Variants in ZNF263 observed in about 807,000 individuals in gnomAD.
ZNF263 encodes the protein zinc finger protein 263.
A neutral mutation model predicts 63.1 loss-of-function variants in ZNF263; 49 were observed. The ratio of observed to expected loss-of-function variants is 0.78; its 90% CI spans 0.62 to 0.99. ZNF263 has a LOEUF of 0.99. Ranked by LOEUF, ZNF263 falls within the 50% of genes least tolerant of loss-of-function variation. The pLI is 0.00. For missense variants in ZNF263, 872 were observed against 854.8 expected, an observed-to-expected ratio of 1.02 and a Z score of -0.25; for synonymous variants, 352 against 324.2, an observed-to-expected ratio of 1.09 and a Z score of -0.92.
downstream of ZNF263, chr16:3,292,975 T>C (rs1238589261): frequency 6.6e-6 from 1 of 152,256 alleles, no homozygotes; most frequent in African/African-American, 2.4e-5. Flanking sequence ...CTGAGGTCAC[T>C]GAAGACCACA....
At chr16:3,295,252 C>T (rs1320097125), downstream of ZNF263, among the ~76,000 whole-genome samples, 1 of 152,182 alleles carries the variant, frequency 6.6e-6, no homozygotes, top group Admixed American at 6.5e-5. Flanking sequence ...GCTCTGCCCC[C>T]AGAAGCGAAG....
rs1436198923 is a variant in ZNF263 at position 3,289,886 on chromosome 16, G to A, written c.1380G>A (p.Lys460=). The change falls in exon 6 of 6, where the codon AAG becomes AAA. Residue 460 remains lysine (K), a synonymous_variant. Transcript: ENST00000219069. ...TRHQRTHTGE[K]PYQCNICGKC... ...ACCAACGCACCCACACGGGTGAGAAGCCCTATCAGTGCAACATTTGCGGAA... is the reference window on the plus strand; with the variant it reads ...ACCAACGCACCCACACGGGTGAGAAACCCTATCAGTGCAACATTTGCGGAA... 5 of 1,614,186 alleles carry A rather than the reference G, an allele frequency of 3.1e-6. No homozygotes were observed. The South Asian group carries it at 4.4e-5, about 14-fold the overall frequency.
chr16:3,288,798 A>G (rs536077527), intron 5 of ZNF263, among the ~76,000 whole-genome samples: 26 of 152,242 alleles, frequency 1.7e-4, no homozygotes, highest in African/African-American at 6.3e-4. Flanking sequence ...GGCATGCGCC[A>G]CCACGCCCAG....
exon 3 of ZNF263, chr16:3,300,926 A>C: frequency 3.9e-6 from 1 of 254,936 alleles, no homozygotes; most frequent in Non-Finnish European, 8.0e-6. Flanking sequence ...CAACAGCCTC[A>C]GTCAGGAATG....
intron 1 of ZNF263, among the ~76,000 whole-genome samples, chr16:3,297,073 G>C (rs1397758253): frequency 6.6e-6 from 1 of 152,114 alleles, no homozygotes; most frequent in Non-Finnish European, 1.5e-5. Flanking sequence ...GGGAGGCTGA[G>C]GCAGGCGGAT....
intron 2 of ZNF263, 53 bp downstream of exon 2, chr16:3,285,292 C>A: frequency 6.5e-7 from 1 of 1,539,176 alleles, no homozygotes; most frequent in Admixed American, 2.0e-5. Flanking sequence ...TGGGGGTTGC[C>A]CCCGACACTA....
chr16:3,299,373 G>A, intron 2 of ZNF263: 1 of 1,565,190 alleles, frequency 6.4e-7, no homozygotes, highest in Non-Finnish European at 8.6e-7. Flanking sequence ...CATGTTCTAA[G>A]CCTTGAAAAT....
At position 3,300,698 on chromosome 16, in the gene ZNF263, T is replaced by C. The variant is rs1213085243; in HGVS notation, c.*47-215T>C. On this transcript the variant is annotated intron_variant, in intron 2 of 2. Transcript: ENST00000574674. Reference sequence around the variant, plus strand: ...TGGCAAAAAAAAAACCCACATTTTTTAAACAAAACTTAGCTGAAAGCCCCA... The same window carrying C: ...TGGCAAAAAAAAAACCCACATTTTTCAAACAAAACTTAGCTGAAAGCCCCA... 6.7e-6 allele frequency: 10 copies of C among 1,501,196 alleles called. No homozygotes were observed. In the South Asian group the frequency reaches 1.4e-4, roughly 21 times the overall value. 93.0% of individuals were successfully genotyped at this position (1,501,196 alleles called of 1,614,324 possible). A position where few individuals can be genotyped will look rare whatever the true frequency, so the allele number is the denominator to read the frequency against.
At position 3,290,524 on chromosome 16, in the gene ZNF263, G is replaced by A. The variant is rs749051794; in HGVS notation, c.2018G>A (p.Arg673His). 121 of 1,612,956 alleles carry A rather than the reference G, an allele frequency of 7.5e-5. No individual in the cohort carries two copies. Among genetic ancestry groups the A allele is most frequent in the Non-Finnish European group, 3.6e-5 (42 of 1,179,508 alleles). ...ECGESFSRSS[R>H]LMSHQRTHTG ...GGAGAAAGCTTCTCTCGGAGTTCCC[G>A]TCTTATGAGTCATCAGAGAACTCAC... Residue 673 changes from arginine to histidine, a missense_variant, in exon 6 of 6, where the codon CGT becomes CAT. Transcript: ENST00000219069.
downstream of ZNF263, among the ~76,000 whole-genome samples, chr16:3,295,963 C>CA (rs1341600197): frequency 9.8e-5 from 15 of 152,346 alleles, no homozygotes; most frequent in African/African-American, 3.4e-4. Context: ...GCCCCCAAGG[C>CA]AACGGTCCAG....
intron 2 of ZNF263, 94 bp downstream of exon 2, chr16:3,285,333 G>T: frequency 7.4e-7 from 1 of 1,357,304 alleles, no homozygotes; most frequent in Non-Finnish European, 9.9e-7. Context: ...GAAGGAGAAG[G>T]AATTTCTGAA....
chr16:3,295,572 G>A (rs1959721526), downstream of ZNF263, among the ~76,000 whole-genome samples: 1 of 93,246 alleles, frequency 1.1e-5, no homozygotes, highest in African/African-American at 6.2e-5. Context: ...GAGCTGGGGT[G>A]CGTGCGAGCG....
chr16:3,290,438 C>T lies in ZNF263; in HGVS notation c.1932C>T (p.Ser644=). ...GCGGAGACAGCTTCTCTCACAGCTC[C>T]AATCGGATTCGCCACCTGAGAACGC... ...HECGDSFSHS[S]NRIRHLRTHT... The change falls in exon 6 of 6, where the codon TCC becomes TCT. Residue 644 remains serine (S), a synonymous_variant. Transcript: ENST00000219069. 6.2e-7 allele frequency: 1 copy of T among 1,614,162 alleles called. No individual in the cohort carries two copies.
In ZNF263 at chr16:3,285,177, C is replaced by G; in HGVS notation, c.506C>G (p.Pro169Arg). 1 of 1,614,044 alleles carries G rather than the reference C, an allele frequency of 6.2e-7. No homozygotes were observed. The highest frequency in any genetic ancestry group is 8.5e-7 in the Non-Finnish European group (1 of 1,180,036). ...ATGGAGACTGAGCGAAGCCCTGGCC[C>G]CAGGCTGCAGGAGCTGCTAGGCCCC... ...EPMETERSPG[P>R]RLQELLGPSP... The change falls in exon 2 of 6, where the codon CCC becomes CGC. Residue 169 changes from proline (P) to arginine (R), a missense_variant. Pro to Arg is a moderately radical substitution (Grantham distance 103, BLOSUM62 -2). Coordinates refer to ENST00000219069, the MANE Select transcript of ZNF263 (RefSeq NM_005741.5).
rs76620077 is a variant in ZNF263, at chr16:3,290,574, T to C, written c.*16T>C. ...CACAGGTTAGTAACAGTGGGGTTTC[T>C]CTTTGCCCCAGGTGAGGTGGCATAT... On this transcript the variant is annotated 3_prime_UTR_variant, in exon 6 of 6. Transcript: ENST00000219069. 1,246 of 1,586,884 alleles carry C rather than the reference T, an allele frequency of 7.9e-4. 15 individuals carry two copies. The African/African-American group carries it at 0.015, about 19-fold the overall frequency.
At chr16:3,295,172 C>A (rs1959711144), downstream of ZNF263, among the ~76,000 whole-genome samples, 1 of 152,204 alleles carries the variant, frequency 6.6e-6, no homozygotes, top group Non-Finnish European at 1.5e-5. Flanking sequence ...TCGGCTCACA[C>A]GCGGCCGGGC....
Position 3,283,765 on chromosome 16 carries a change from C to T in ZNF263, c.-54C>T. ...TCCAACCTTACATGGGTTCAGGGCG[C>T]CTTCGTAGGCGGGCACGGCTGGTTT... On this transcript the variant is annotated 5_prime_UTR_variant, in exon 1 of 6. Transcript: ENST00000219069. 2.7e-6 allele frequency: 4 copies of T among 1,495,598 alleles called. No homozygotes were observed. The highest frequency in any genetic ancestry group is 1.3e-5 in the South Asian group (1 of 75,252). The allele number at this position is 1,495,598 out of a possible 1,614,324, so 92.6% of individuals were successfully genotyped here. A position where few individuals can be genotyped will look rare whatever the true frequency, so the allele number is the denominator to read the frequency against.
At chr16:3,299,781 T>C in intron 2 of ZNF263, 1 of 1,568,488 alleles carries the variant, frequency 6.4e-7, no homozygotes, top group Non-Finnish European at 8.6e-7. Flanking sequence ...GAACATTAAG[T>C]TGAAAATGTC....
chr16:3,283,553 A>C lies in ZNF263; in HGVS notation c.-266A>C. The C allele has an allele frequency of 8.7e-6, 3 of 345,574 alleles. No individual in the cohort carries two copies. The highest frequency in any genetic ancestry group is 1.0e-5 in the Non-Finnish European group (2 of 198,750). The allele number at this position is 345,574 out of a possible 1,614,324, so 21.4% of individuals were successfully genotyped here. A position where few individuals can be genotyped will look rare whatever the true frequency, so the allele number is the denominator to read the frequency against. The stretch of plus-strand genomic sequence containing the variant: ...TCTGAGTCTTGCGTGGGTCCTCTAT[A>C]TAGGGTGAGAAGCGTGGCGCTCGGT... On this transcript the variant is annotated 5_prime_UTR_variant, in exon 1 of 6. Coordinates refer to ENST00000219069, the MANE Select transcript of ZNF263 (RefSeq NM_005741.5).
Sources: gnomAD v4.1 joint callset for allele counts (sites outside exome capture counted in the v4.1 genomes callset) on GRCh38, gnomAD v4.1.1 for gene constraint, MANE v1.5 for transcripts, NCBI Gene and HGNC (gene_info 2026-07-23, HGNC 2026-07-21) for gene names.